The following SLC38A3 variants were observed in gnomAD, a reference collection of about 807,000 sequenced individuals.
SLC38A3 encodes the protein solute carrier family 38 member 3.
In SLC38A3, 17 loss-of-function variants were observed where a neutral mutation model predicts 59.5. The observed-to-expected ratio is 0.29, with a 90% CI of 0.20 to 0.43. The LOEUF is 0.43. Among genes scored for constraint, SLC38A3 ranks in the 20% least tolerant of loss-of-function variants. SLC38A3 has a pLI of 1.00. For synonymous variants in SLC38A3, 238 were observed against 260.3 expected, an observed-to-expected ratio of 0.91 and a Z score of 0.82; for missense variants, 454 against 653.9, an observed-to-expected ratio of 0.69 and a Z score of 3.33.
At chr3:50,205,933 C>T (rs1699640467) in intron 1 of SLC38A3, among the ~76,000 whole-genome samples, 1 of 152,252 alleles carries the variant, frequency 6.6e-6, no homozygotes, top group South Asian at 2.1e-4. Flanking sequence ...GTCCCAGAGC[C>T]GGTGCCATTT....
intron 1 of SLC38A3, among the ~76,000 whole-genome samples, chr3:50,206,089 A>C (rs1296736512): frequency 1.3e-5 from 2 of 152,250 alleles, no homozygotes. Flanking sequence ...GAAGGAACCA[A>C]GACTTGGTTT....
intron 1 of SLC38A3, among the ~76,000 whole-genome samples, 193 bp from the exon 2 acceptor site, chr3:50,213,956 C>T (rs1301339574): frequency 1.3e-5 from 2 of 152,154 alleles, no homozygotes; most frequent in African/African-American, 2.4e-5. Context: ...CCCATCAGAA[C>T]GTCCTAGGAA....
At chr3:50,209,172 C>T (rs2109149563) in intron 1 of SLC38A3, among the ~76,000 whole-genome samples, 1 of 152,362 alleles carries the variant, frequency 6.6e-6, no homozygotes, top group South Asian at 2.1e-4. Flanking sequence ...GCTGCACGTC[C>T]TTCTCAGCAG....
At chr3:50,206,329 C>T (rs535308697) in intron 1 of SLC38A3, among the ~76,000 whole-genome samples, 2 of 152,370 alleles carry the variant, frequency 1.3e-5, no homozygotes, top group African/African-American at 4.8e-5. Flanking sequence ...CTTCCCCACT[C>T]ATGCCCATCC....
Position 50,214,648 on chromosome 3 carries a change from T to C in SLC38A3, c.184-5T>C. 1 of 1,447,456 alleles carries C rather than the reference T, an allele frequency of 6.9e-7. No homozygotes were observed. Among genetic ancestry groups the C allele is most frequent in the Non-Finnish European group, 9.6e-7 (1 of 1,036,444 alleles). 89.7% of individuals were successfully genotyped at this position (1,447,456 alleles called of 1,614,324 possible). A position where few individuals can be genotyped will look rare whatever the true frequency, so the allele number is the denominator to read the frequency against. The stretch of plus-strand genomic sequence containing the variant: ...ACCCTCCCCGTCCCATTCTGGTGCC[T>C]GCAGTTCGAGGGGAAGACATCATTC... On this transcript the variant is annotated splice_polypyrimidine_tract_variant and splice_region_variant and intron_variant, in intron 3 of 15. Transcript: ENST00000614032. The surrounding 1 kb of genome is among the most constrained non-coding windows in gnomAD (Gnocchi z 6.0).
chr3:50,215,729 T>A lies in SLC38A3; in HGVS notation c.467-11T>A. ...ACCTCAGCGCCTGCCTGCCCGCCCC[T>A]CTCCCCACAGCCATGTCCAGCTACC... On this transcript the variant is annotated splice_polypyrimidine_tract_variant and intron_variant, in intron 6 of 15. Coordinates refer to ENST00000614032, the MANE Select transcript of SLC38A3 (RefSeq NM_006841.6). This position sits in a 1 kb window ranked among gnomAD's most constrained non-coding sequence, Gnocchi z 7.1. The A allele has an allele frequency of 5.0e-6, 8 of 1,604,758 alleles. No individual in the cohort carries two copies. The highest frequency in any genetic ancestry group is 6.8e-6 in the Non-Finnish European group (8 of 1,176,190).
Position 50,214,777 on chromosome 3 carries a change from C to T in SLC38A3, c.299+9C>T. 3 of 1,568,532 alleles carry T rather than the reference C, an allele frequency of 1.9e-6. No homozygotes were observed. Among genetic ancestry groups the T allele is most frequent in the Middle Eastern group, 1.7e-4 (1 of 5,966 alleles). On this transcript the variant is annotated intron_variant, in intron 4 of 15. Transcript: ENST00000614032. This position sits in a 1 kb window ranked among gnomAD's most constrained non-coding sequence, Gnocchi z 6.0. ...GGCATTATCCTTTTCCTGTGAGTGC[C>T]CTCAGAGAAACTTCTAAAGATAGGG...
chr3:50,218,792 C>A lies in SLC38A3; in HGVS notation c.1162-12C>A, dbSNP rs367670810. ...GCCAACAGGCTGATGATTCTTCTCA[C>A]CTGCCCCCCAGGTGCGCCGCGCCAT... On this transcript the variant is annotated splice_polypyrimidine_tract_variant and intron_variant, in intron 13 of 15. Transcript: ENST00000614032. The surrounding 1 kb of genome is among the most constrained non-coding windows in gnomAD (Gnocchi z 5.8). 1.9e-6 allele frequency: 3 copies of A among 1,602,354 alleles called. No individual in the cohort carries two copies. The highest frequency in any genetic ancestry group is 2.6e-6 in the Non-Finnish European group (3 of 1,170,246).
intron 1 of SLC38A3, among the ~76,000 whole-genome samples, chr3:50,208,986 A>G (rs1412186893): frequency 6.6e-6 from 1 of 152,030 alleles, no homozygotes; most frequent in African/African-American, 2.4e-5. Context: ...GAACTGCCCG[A>G]GGCCTGTGCT....
At chr3:50,208,389 A>G (rs1359596888) in intron 1 of SLC38A3, among the ~76,000 whole-genome samples, 1 of 151,362 alleles carries the variant, frequency 6.6e-6, no homozygotes, top group East Asian at 1.9e-4. Context: ...CAGCCTCCCG[A>G]GTAGCTGGGA....
intron 1 of SLC38A3, among the ~76,000 whole-genome samples, chr3:50,210,489 G>T (rs551716674): frequency 6.6e-6 from 1 of 152,136 alleles, no homozygotes; most frequent in Admixed American, 6.5e-5. Context: ...CACTACTGCC[G>T]ACCCAGACCC....
In SLC38A3 at chr3:50,220,361, G is replaced by C. The variant is rs1462246965; in HGVS notation, c.*184G>C. ...CAAGAGCCAGGACCAAGGCCCTTGG[G>C]CCACTACCCTGCTAGGCTCTGGAGC... On this transcript the variant is annotated 3_prime_UTR_variant, in exon 16 of 16. Transcript: ENST00000614032. 6.7e-6 allele frequency: 4 copies of C among 600,404 alleles called. No individual in the cohort carries two copies. Among genetic ancestry groups the C allele is most frequent in the African/African-American group, 5.6e-5 (3 of 53,922 alleles). 37.2% of individuals were successfully genotyped at this position (600,404 alleles called of 1,614,324 possible).
At position 50,215,643 on chromosome 3, in the gene SLC38A3, G is replaced by T; in HGVS notation, c.466+7G>T. 6.2e-7 allele frequency: 1 copy of T among 1,613,652 alleles called. No individual in the cohort carries two copies. The highest frequency in any genetic ancestry group is 8.5e-7 in the Non-Finnish European group (1 of 1,179,824). On this transcript the variant is annotated splice_region_variant and intron_variant, in intron 6 of 15. Transcript: ENST00000614032. The surrounding 1 kb of genome is among the most constrained non-coding windows in gnomAD (Gnocchi z 7.1). ...ACGCTCCAGAACATCGGAGGTAAGA[G>T]CAGTGGGCAGGGGCAGGCAGTAGGG...
rs1462624634 is a variant in SLC38A3 at position 50,218,840 on chromosome 3, C to G, written c.1198C>G (p.Gln400Glu). 8 of 1,612,434 alleles carry G rather than the reference C, an allele frequency of 5.0e-6. No individual in the cohort carries two copies. The Admixed American group carries it at 1.2e-4, about 24-fold the overall frequency. Residue 400 changes from glutamine to glutamate, a missense_variant, in exon 14 of 16, where the codon CAG becomes GAG. Gln to Glu is a conservative substitution (Grantham distance 29). Transcript: ENST00000614032. This position sits in a 1 kb window ranked among gnomAD's most constrained non-coding sequence, Gnocchi z 5.8. The part of the protein sequence containing the change: ...RAIQQMLFPN[Q>E]EFSWLRHVLI... ...CATCCAGCAGATGCTGTTTCCAAAC[C>G]AGGAGTTCAGCTGGCTGCGGCATGT...
Position 50,220,088 on chromosome 3 carries a change from A to G in SLC38A3, c.1426A>G (p.Met476Val). The G allele has an allele frequency of 5.0e-6, 8 of 1,606,768 alleles. No homozygotes were observed. The highest frequency in any genetic ancestry group is 6.8e-6 in the Non-Finnish European group (8 of 1,176,174). Residue 476 changes from methionine (M) to valine (V), a missense_variant, in exon 16 of 16, where the codon ATG becomes GTG. Physicochemically the swap from Met to Val is conservative, Grantham distance 21. This residue lies in a region of SLC38A3 where 59 missense variants were observed against 70.8 expected (regional missense o/e 0.83). Coordinates refer to ENST00000614032, the MANE Select transcript of SLC38A3 (RefSeq NM_006841.6). ...GATTCCACAGGCCCTGTGTTTTGCT[A>G]TGCTTGGCTTCTTGCTGATGACCAT... ...TPKILALCFA[M>V]LGFLLMTMSL...
At chr3:50,205,959 G>A (rs1386386617) in intron 1 of SLC38A3, among the ~76,000 whole-genome samples, 1 of 152,260 alleles carries the variant, frequency 6.6e-6, no homozygotes, top group Non-Finnish European at 1.5e-5. Context: ...GGAGCCAGCG[G>A]GCACAGCGGG....
chr3:50,219,885 C>A lies in SLC38A3; in HGVS notation c.1311C>A (p.Ala437=). 6.2e-7 allele frequency: 1 copy of A among 1,611,702 alleles called. No homozygotes were observed. The highest frequency in any genetic ancestry group is 1.1e-5 in the South Asian group (1 of 90,364). Residue 437 remains alanine (A), a synonymous_variant, in exon 15 of 16, where the codon GCC becomes GCA. Transcript: ENST00000614032. ...NILGIFGVIG[A]TSAPFLIFIF... is the part of the protein sequence containing the mutation. ...GCCATGTCTTGTTCTTTGCAGGTGC[C>A]ACATCTGCCCCATTCCTCATCTTCA...
In SLC38A3 at chr3:50,220,239, T is replaced by A; in HGVS notation, c.*62T>A. On this transcript the variant is annotated 3_prime_UTR_variant, in exon 16 of 16. Coordinates refer to ENST00000614032, the MANE Select transcript of SLC38A3 (RefSeq NM_006841.6). ...AGCCCTGCCCAGACTCTTCAGCCCC[T>A]GCTCCCATCCAGTGGCCAGTCGGGG... 1.5e-6 allele frequency: 2 copies of A among 1,314,402 alleles called. No homozygotes were observed. The highest frequency in any genetic ancestry group is 1.1e-6 in the Non-Finnish European group (1 of 936,440). The allele number at this position is 1,314,402 out of a possible 1,614,324, so 81.4% of individuals were successfully genotyped here. A position where few individuals can be genotyped will look rare whatever the true frequency, so the allele number is the denominator to read the frequency against.
intron 1 of SLC38A3, among the ~76,000 whole-genome samples, chr3:50,210,191 G>A (rs1699704443): frequency 6.6e-6 from 1 of 152,080 alleles, no homozygotes. Flanking sequence ...GGTGGACAGA[G>A]GGGTAGCTGT....
Sources: allele counts gnomAD v4.1 joint callset (sites outside exome capture counted in the v4.1 genomes callset), GRCh38; gene constraint gnomAD v4.1.1; regional missense constraint gnomAD v4.1.1; non-coding constraint Gnocchi (gnomAD v3.1); transcripts MANE v1.5; gene names NCBI Gene and HGNC (gene_info 2026-07-23, HGNC 2026-07-21).